WDFY2: variants seen among roughly 807,000 people sequenced by gnomAD.
WDFY2 encodes the protein WD repeat and FYVE domain-containing protein 2.
WDFY2 carries 36 observed loss-of-function variants against 56.4 expected under a neutral mutation model. The ratio of observed to expected loss-of-function variants is 0.64; its 90% CI spans 0.49 to 0.84. WDFY2 has a LOEUF of 0.84. WDFY2 is among the 40% of genes least tolerant of loss of function. WDFY2 has a pLI of 0.00. For synonymous variants in WDFY2, 176 were observed against 183.7 expected (o/e 0.96, Z 0.34); for missense variants, 444 against 512.2 (o/e 0.87, Z 1.29).
At chr13:51,749,247 C>T (rs1953172886) in intron 7 of WDFY2, among the ~76,000 whole-genome samples, 1 of 152,002 alleles carries the variant, frequency 6.6e-6, no homozygotes, top group Non-Finnish European at 1.5e-5. Context: ...AAGTATATAT[C>T]GATCATTATC....
intron 1 of WDFY2, chr13:51,592,016 T>C (rs1470580958): frequency 7.2e-6 from 1 of 139,474 alleles, no homozygotes; most frequent in African/African-American, 2.6e-5. Flanking sequence ...GGGGGAGGGA[T>C]AGCATTAGGA....
intron 1 of WDFY2, among the ~76,000 whole-genome samples, chr13:51,650,011 T>C (rs1251417274): frequency 2.6e-5 from 4 of 152,050 alleles, no homozygotes; most frequent in African/African-American, 9.7e-5. Context: ...CCTTGGGCAG[T>C]GTGGCCATTA....
chr13:51,686,340 C>T (rs1364779694), intron 3 of WDFY2, among the ~76,000 whole-genome samples: 1 of 151,984 alleles, frequency 6.6e-6, no homozygotes, highest in East Asian at 1.9e-4. Context: ...ACTCAGTAAG[C>T]CCTCAGAAAG....
At chr13:51,611,336 T>G (rs893878735) in intron 1 of WDFY2, among the ~76,000 whole-genome samples, 4 of 152,234 alleles carry the variant, frequency 2.6e-5, no homozygotes. Context: ...AAACCTCACA[T>G]TTTACTGTGT....
intron 3 of WDFY2, among the ~76,000 whole-genome samples, chr13:51,692,032 T>C (rs1167558078): frequency 6.6e-5 from 10 of 152,154 alleles, no homozygotes; most frequent in East Asian, 5.8e-4. Flanking sequence ...GTGATTTTTG[T>C]ACATTGATTT....
chr13:51,649,846 T>C (rs950504429), intron 1 of WDFY2, among the ~76,000 whole-genome samples: 1 of 152,152 alleles, frequency 6.6e-6, no homozygotes, highest in Non-Finnish European at 1.5e-5. Flanking sequence ...TGAAGTCAGG[T>C]AGCATGATGC....
chr13:51,642,279 TTTTTA>T (rs199923077), intron 1 of WDFY2, among the ~76,000 whole-genome samples: 1,631 of 152,184 alleles, frequency 0.011, 18 homozygotes, highest in Non-Finnish European at 0.019. Flanking sequence ...ACCCTTGAGA[TTTTTA>T]TTTTATTTTA....
intron 4 of WDFY2, among the ~76,000 whole-genome samples, chr13:51,705,807 T>C (rs1343530635): frequency 6.6e-6 from 1 of 152,190 alleles, no homozygotes; most frequent in Non-Finnish European, 1.5e-5. Context: ...TTTGAAGCTG[T>C]TTCTTGTTTT....
chr13:51,766,774 T>G lies in WDFY2; in HGVS notation c.*7005T>G, dbSNP rs1953763632. 1 of 152,258 alleles carries G rather than the reference T, an allele frequency of 6.6e-6. No individual in the cohort carries two copies. The highest frequency in any genetic ancestry group is 2.4e-5 in the African/African-American group (1 of 41,472). The allele number at this position is 152,258 out of a possible 1,614,324, so 9.4% of individuals were successfully genotyped here. On this transcript the variant is annotated 3_prime_UTR_variant, in exon 12 of 12. Transcript: ENST00000298125. ...GCGGAGTTGCCGCCACGGTTTAAAA[T>G]AAATCTCTGTGAAAACCTTTCTGCA...
chr13:51,714,950 G>A (rs991150358), intron 4 of WDFY2, among the ~76,000 whole-genome samples: 2 of 152,176 alleles, frequency 1.3e-5, no homozygotes, highest in Admixed American at 6.5e-5. Flanking sequence ...GGCAGTTGTA[G>A]CACAATGGTA....
chr13:51,662,770 G>A (rs901510339), intron 2 of WDFY2, among the ~76,000 whole-genome samples: 16 of 152,212 alleles, frequency 1.1e-4, no homozygotes, highest in African/African-American at 3.6e-4. Flanking sequence ...GTTTCCCTGA[G>A]AGGATTACCA....
intron 3 of WDFY2, among the ~76,000 whole-genome samples, chr13:51,691,356 C>T (rs1030263684): frequency 6.6e-6 from 1 of 151,130 alleles, no homozygotes; most frequent in African/African-American, 2.4e-5. Flanking sequence ...TTTAATCCAT[C>T]TTGAATTAAT....
At chr13:51,702,308 CAA>C (rs34151524) in intron 3 of WDFY2, among the ~76,000 whole-genome samples, 2 of 132,250 alleles carry the variant, frequency 1.5e-5, no homozygotes, top group African/African-American at 2.8e-5. Flanking sequence ...AAGACTCTGT[CAA>C]AAAAAAAAAA....
chr13:51,749,198 A>G (rs1356174532), intron 7 of WDFY2, among the ~76,000 whole-genome samples: 3 of 152,304 alleles, frequency 2.0e-5, no homozygotes, highest in Middle Eastern at 3.4e-3. Context: ...TTTCAAATGA[A>G]TTAATATTTT....
At chr13:51,709,840 G>A (rs1212100499) in intron 4 of WDFY2, among the ~76,000 whole-genome samples, 2 of 152,074 alleles carry the variant, frequency 1.3e-5, no homozygotes, top group Admixed American at 6.5e-5. Context: ...ATTCACAGCC[G>A]AATTCTACCA....
intron 1 of WDFY2, among the ~76,000 whole-genome samples, chr13:51,641,886 A>C (rs958160828): frequency 3.9e-5 from 6 of 151,980 alleles, no homozygotes; most frequent in African/African-American, 1.4e-4. Context: ...ATATCAGGAA[A>C]ATGGGAGTGT....
chr13:51,702,647 A>T (rs1952008055), intron 3 of WDFY2, among the ~76,000 whole-genome samples: 2 of 152,200 alleles, frequency 1.3e-5, no homozygotes, highest in Admixed American at 1.3e-4. Context: ...ACTCAGGAAG[A>T]CCCGGATAGC....
chr13:51,714,234 G>GTGT (rs1488869927), intron 4 of WDFY2, among the ~76,000 whole-genome samples: 1 of 151,674 alleles, frequency 6.6e-6, no homozygotes, highest in Non-Finnish European at 1.5e-5. Flanking sequence ...AAGGAAAGCA[G>GTGT]TGTTGACAAG....
At chr13:51,709,981 A>C (rs1392247907) in intron 4 of WDFY2, among the ~76,000 whole-genome samples, 3 of 151,700 alleles carry the variant, frequency 2.0e-5, no homozygotes, top group Admixed American at 1.3e-4. Flanking sequence ...AGACACAACA[A>C]AAAAAAAGAG....
Sources: gnomAD v4.1 joint callset for allele counts (sites outside exome capture counted in the v4.1 genomes callset) on GRCh38, gnomAD v4.1.1 for gene constraint, MANE v1.5 for transcripts, NCBI Gene and HGNC (gene_info 2026-07-23, HGNC 2026-07-21) for gene names.